Variants in MARK3 observed in about 807,000 individuals in gnomAD.
MARK3 encodes the protein MAP/microtubule affinity-regulating kinase 3.
MARK3 carries 46 observed loss-of-function variants against 90.1 expected under a neutral mutation model. The observed-to-expected ratio is 0.51, with a 90% CI of 0.40 to 0.65. MARK3 has a LOEUF of 0.65. Among genes scored for constraint, MARK3 ranks in the 30% least tolerant of loss-of-function variants. The pLI, the probability that MARK3 is intolerant of heterozygous loss-of-function variation, is 0.00. For missense variants in MARK3, 818 were observed against 947.2 expected (o/e 0.86, Z 1.79); for synonymous variants, 321 against 332.6 (o/e 0.97, Z 0.38).
chr14:103,476,191 A>G (rs2093711347), intron 13 of MARK3, among the ~76,000 whole-genome samples: 1 of 152,166 alleles, frequency 6.6e-6, no homozygotes, highest in South Asian at 2.1e-4. Context: ...AGGTGCTGAG[A>G]CATGGAAAGA....
At chr14:103,392,753 A>T (rs1441769733) in intron 1 of MARK3, among the ~76,000 whole-genome samples, 1 of 152,186 alleles carries the variant, frequency 6.6e-6, no homozygotes, top group Non-Finnish European at 1.5e-5. Context: ...CCAGCCAGCA[A>T]TACTTTGTAG....
intron 1 of MARK3, among the ~76,000 whole-genome samples, chr14:103,400,561 G>T (rs952205010): frequency 1.3e-5 from 2 of 152,130 alleles, no homozygotes; most frequent in Non-Finnish European, 2.9e-5. Context: ...ATTAAACTCA[G>T]CAGCTTTTGA....
At chr14:103,472,705 T>TAGTA (rs2093649349) in intron 12 of MARK3, among the ~76,000 whole-genome samples, 1 of 145,872 alleles carries the variant, frequency 6.9e-6, no homozygotes, top group Admixed American at 7.0e-5. Context: ...CATGGACTAC[T>TAGTA]ACTCACAATA....
chr14:103,392,192 C>T (rs537939496), intron 1 of MARK3, among the ~76,000 whole-genome samples: 3 of 152,270 alleles, frequency 2.0e-5, no homozygotes, highest in South Asian at 2.1e-4. Context: ...CTGAATTAAC[C>T]TATTCAGCAA....
chr14:103,390,421 C>T (rs2090158649), intron 1 of MARK3, among the ~76,000 whole-genome samples: 1 of 152,190 alleles, frequency 6.6e-6, no homozygotes. Context: ...AGCTTAGGCT[C>T]CACAAGGAGA....
intron 16 of MARK3, 103 bp downstream of exon 16, chr14:103,498,631 CTA>C: frequency 9.1e-7 from 1 of 1,100,324 alleles, no homozygotes; most frequent in Non-Finnish European, 1.2e-6. Flanking sequence ...TCCTTATAAA[CTA>C]AACTTTCTGC....
At chr14:103,403,316 T>G (rs1404283555) in intron 1 of MARK3, among the ~76,000 whole-genome samples, 5 of 137,532 alleles carry the variant, frequency 3.6e-5, no homozygotes, top group African/African-American at 1.4e-4. Flanking sequence ...ACACCTTAAA[T>G]AGTGCCTGGT....
At chr14:103,440,993 C>T (rs2092838305) in intron 3 of MARK3, among the ~76,000 whole-genome samples, 1 of 149,042 alleles carries the variant, frequency 6.7e-6, no homozygotes, top group African/African-American at 2.5e-5. Context: ...GTAACATTTT[C>T]CTAATTACTG....
At chr14:103,491,721 G>T in intron 14 of MARK3, 56 bp from the exon 15 acceptor site, 8 of 1,574,924 alleles carry the variant, frequency 5.1e-6, no homozygotes, top group South Asian at 2.3e-5. Flanking sequence ...GGTATATTGT[G>T]ACTGTAAATT....
intron 16 of MARK3, 49 bp downstream of exon 16, chr14:103,498,577 G>C: frequency 7.6e-7 from 1 of 1,309,676 alleles, no homozygotes; most frequent in Admixed American, 4.3e-5. Flanking sequence ...CTCCCAAATG[G>C]CTCCTGCAAT....
At chr14:103,483,994 C>T (rs1336320139) in intron 14 of MARK3, among the ~76,000 whole-genome samples, 2 of 152,070 alleles carry the variant, frequency 1.3e-5, no homozygotes, top group Non-Finnish European at 2.9e-5. Context: ...ACTGACTAAA[C>T]CTAATCTTTC....
In MARK3 at chr14:103,475,284, T is replaced by G. The variant is rs1297025169; in HGVS notation, c.1482+74T>G. 3.9e-6 allele frequency: 5 copies of G among 1,271,008 alleles called. No homozygotes were observed. In the African/African-American group the frequency reaches 7.3e-5, roughly 19 times the overall value. The allele number at this position is 1,271,008 out of a possible 1,614,324, so 78.7% of individuals were successfully genotyped here. A position where few individuals can be genotyped will look rare whatever the true frequency, so the allele number is the denominator to read the frequency against. The stretch of plus-strand genomic sequence containing the variant: ...CCAGCTAGACACCAGGTGTTCATTT[T>G]ACTCCTGTGGTCTCTCGTACTGGAA... On this transcript the variant is annotated intron_variant, in intron 13 of 17. Coordinates refer to ENST00000429436, the MANE Select transcript of MARK3 (RefSeq NM_001128918.3).
chr14:103,386,267 G>A (rs577867489), intron 1 of MARK3, 187 bp downstream of exon 1: 27 of 717,556 alleles, frequency 3.8e-5, no homozygotes, highest in Non-Finnish European at 6.2e-5. Flanking sequence ...GCTGTTCGCG[G>A]GCGGGTCTGC....
At chr14:103,465,312 T>C (rs897835049) in intron 7 of MARK3, among the ~76,000 whole-genome samples, 1 of 152,192 alleles carries the variant, frequency 6.6e-6, no homozygotes, top group African/African-American at 2.4e-5. Flanking sequence ...CTTTTCTTGA[T>C]CTTGGGACAT....
At chr14:103,438,178 T>G (rs1039942638) in intron 3 of MARK3, among the ~76,000 whole-genome samples, 1 of 152,124 alleles carries the variant, frequency 6.6e-6, no homozygotes, top group Non-Finnish European at 1.5e-5. Context: ...TTTTTTTGTA[T>G]TTTTAGTAGA....
chr14:103,464,589 C>T lies in MARK3; in HGVS notation c.541-968C>T, dbSNP rs139570972. On this transcript the variant is annotated intron_variant, in intron 7 of 17. Coordinates refer to ENST00000429436, the MANE Select transcript of MARK3 (RefSeq NM_001128918.3). ...TGCTGTGATTACAGGCGTGAGCCAC[C>T]GCACCCAGCCATGATTTGACTCTTG... 2.6e-5 allele frequency among the ~76,000 whole-genome samples: 4 copies of T among 152,168 alleles called. No individual in the cohort carries two copies. In the East Asian group the frequency reaches 5.8e-4, roughly 22 times the overall value.
chr14:103,394,037 A>G (rs946077887), intron 1 of MARK3, among the ~76,000 whole-genome samples: 2 of 152,120 alleles, frequency 1.3e-5, no homozygotes, highest in East Asian at 3.8e-4. Flanking sequence ...CTCGGCCTGC[A>G]TTTTATTATT....
At chr14:103,431,225 A>G (rs2092572073) in intron 3 of MARK3, among the ~76,000 whole-genome samples, 1 of 152,014 alleles carries the variant, frequency 6.6e-6, no homozygotes, top group Non-Finnish European at 1.5e-5. Context: ...CCAAGTGGCT[A>G]GGACTACAGG....
chr14:103,465,457 T>C, intron 7 of MARK3, 100 bp from the exon 8 acceptor site: 2 of 773,328 alleles, frequency 2.6e-6, no homozygotes, highest in Non-Finnish European at 2.2e-6. Context: ...GGAGGTAACT[T>C]CATATCATTA....
Sources: allele counts gnomAD v4.1 joint callset (sites outside exome capture counted in the v4.1 genomes callset), GRCh38; gene constraint gnomAD v4.1.1; transcripts MANE v1.5; gene names NCBI Gene and HGNC (gene_info 2026-07-23, HGNC 2026-07-21).